Variants in MACROD2 observed in about 807,000 individuals in gnomAD.
The protein encoded by MACROD2 is ADP-ribose glycohydrolase MACROD2.
In MACROD2, 36 loss-of-function variants were observed where a neutral mutation model predicts 70.4. The observed-to-expected ratio is 0.51, with a 90% confidence interval of 0.39 to 0.68. The LOEUF is 0.68. Ranked by LOEUF, MACROD2 falls within the 30% of genes least tolerant of loss-of-function variation. The pLI, the probability that MACROD2 is intolerant of heterozygous loss-of-function variation, is 0.00. For synonymous variants in MACROD2, 172 were observed against 178.8 expected (o/e 0.96, Z 0.30); for missense variants, 496 against 538.4 (o/e 0.92, Z 0.78).
intron 6 of MACROD2, among the ~76,000 whole-genome samples, chr20:15,230,432 T>C (rs988229749): frequency 6.6e-6 from 1 of 152,158 alleles, no homozygotes; most frequent in Non-Finnish European, 1.5e-5. Flanking sequence ...TTAATATATA[T>C]TGGTTGTATG....
chr20:14,101,869 A>G (rs904493519), intron 3 of MACROD2, among the ~76,000 whole-genome samples: 4 of 151,388 alleles, frequency 2.6e-5, no homozygotes, highest in East Asian at 1.9e-4. Context: ...TAAAACATCA[A>G]TTTCTCTGCA....
At chr20:14,601,054 T>C (rs1479529620) in intron 4 of MACROD2, among the ~76,000 whole-genome samples, 1 of 152,122 alleles carries the variant, frequency 6.6e-6, no homozygotes, top group Non-Finnish European at 1.5e-5. Flanking sequence ...TTCTCATCTG[T>C]AAACACTGAG....
At chr20:14,084,127 GCTTTATAGA>G (rs1390572834) in intron 2 of MACROD2, among the ~76,000 whole-genome samples, 1 of 147,986 alleles carries the variant, frequency 6.8e-6, no homozygotes, top group Non-Finnish European at 1.5e-5. Flanking sequence ...AGAAGGGAAT[GCTTTATAGA>G]CAGAGAAAGG....
chr20:14,579,996 AC>A (rs1980901506), intron 4 of MACROD2, among the ~76,000 whole-genome samples: 1 of 152,220 alleles, frequency 6.6e-6, no homozygotes, highest in African/African-American at 2.4e-5. Context: ...ATGTAAAAAG[AC>A]GGAATGTTTC....
chr20:15,183,154 A>G (rs2076511789), intron 5 of MACROD2, among the ~76,000 whole-genome samples: 1 of 151,796 alleles, frequency 6.6e-6, no homozygotes, highest in Non-Finnish European at 1.5e-5. Context: ...GCTTGTGTTA[A>G]GTAAGAGGGA....
intron 6 of MACROD2, among the ~76,000 whole-genome samples, chr20:15,297,659 G>T (rs2077603336): frequency 6.6e-6 from 1 of 152,072 alleles, no homozygotes; most frequent in South Asian, 2.1e-4. Flanking sequence ...ATGCCCCATA[G>T]CTATGAAATG....
chr20:14,852,060 G>C (rs2073204917), intron 5 of MACROD2, among the ~76,000 whole-genome samples: 1 of 152,186 alleles, frequency 6.6e-6, no homozygotes, highest in Non-Finnish European at 1.5e-5. Context: ...GGACAGATGA[G>C]ACTTCCAAGG....
At chr20:14,818,714 G>A (rs895673278) in intron 5 of MACROD2, among the ~76,000 whole-genome samples, 1 of 150,552 alleles carries the variant, frequency 6.6e-6, no homozygotes, top group African/African-American at 2.4e-5. Context: ...TTAGGGATAT[G>A]TACTTATTAA....
At chr20:14,983,429 CTG>C (rs1363470891) in intron 5 of MACROD2, among the ~76,000 whole-genome samples, 1 of 152,088 alleles carries the variant, frequency 6.6e-6, no homozygotes, top group Non-Finnish European at 1.5e-5. Flanking sequence ...TGGTTTGTCT[CTG>C]TGTCCCCACC....
At chr20:14,667,799 A>G (rs915249152) in intron 4 of MACROD2, among the ~76,000 whole-genome samples, 36 of 152,130 alleles carry the variant, frequency 2.4e-4, no homozygotes, top group African/African-American at 7.2e-4. Context: ...CTTCTCTCCT[A>G]TAGCCACTGC....
chr20:14,639,328 A>C (rs184424247), intron 4 of MACROD2, among the ~76,000 whole-genome samples: 11 of 151,638 alleles, frequency 7.3e-5, no homozygotes, highest in African/African-American at 2.7e-4. Flanking sequence ...ACCTTCTTCA[A>C]CTCTCCCCAT....
At chr20:15,889,668 G>A (rs1162468509) in intron 10 of MACROD2, among the ~76,000 whole-genome samples, 3 of 152,122 alleles carry the variant, frequency 2.0e-5, no homozygotes, top group African/African-American at 7.2e-5. Context: ...ATTCCTTAAT[G>A]GCAAATGTTT....
intron 8 of MACROD2, among the ~76,000 whole-genome samples, chr20:15,607,127 G>A (rs1013273267): frequency 1.3e-5 from 2 of 152,078 alleles, no homozygotes; most frequent in African/African-American, 4.8e-5. Context: ...ATCAGCCTAG[G>A]CAACATAGCA....
chr20:14,430,562 A>G (rs2083983980), intron 3 of MACROD2, among the ~76,000 whole-genome samples: 1 of 152,038 alleles, frequency 6.6e-6, no homozygotes, highest in Non-Finnish European at 1.5e-5. Flanking sequence ...CAAAACAGAA[A>G]ACACAGAGGA....
At position 15,708,638 on chromosome 20, in the gene MACROD2, C is replaced by T. The variant is rs561775139; in HGVS notation, c.646-154107C>T. ...ACCTGTGATTTCAGCACTTTGGGAG[C>T]GAGGCAGTAGGATTGCTTAAGGCCA... On this transcript the variant is annotated intron_variant, in intron 8 of 17. Coordinates refer to ENST00000684519, the MANE Select transcript of MACROD2 (RefSeq NM_001351661.2). Among the ~76,000 whole-genome samples, 22 of 129,280 alleles carry T rather than the reference C, an allele frequency of 1.7e-4. 2 individuals carry two copies. The highest frequency in any genetic ancestry group is 2.8e-4 in the African/African-American group (11 of 39,768). The allele number at this position is 129,280 out of a possible 152,430, so 84.8% of individuals were successfully genotyped here.
At chr20:14,125,449 C>G (rs1027479557) in intron 3 of MACROD2, among the ~76,000 whole-genome samples, 1 of 152,048 alleles carries the variant, frequency 6.6e-6, no homozygotes, top group Admixed American at 6.6e-5. Flanking sequence ...GGGGTAAGAT[C>G]AGTTTTAAAA....
At chr20:14,644,273 A>G (rs1985253170) in intron 4 of MACROD2, among the ~76,000 whole-genome samples, 1 of 152,204 alleles carries the variant, frequency 6.6e-6, no homozygotes, top group African/African-American at 2.4e-5. Flanking sequence ...AACTGTTAGT[A>G]ACACTGAAAG....
intron 5 of MACROD2, among the ~76,000 whole-genome samples, chr20:14,691,574 C>T (rs1189459495): frequency 1.3e-5 from 2 of 152,158 alleles, no homozygotes; most frequent in African/African-American, 4.8e-5. Context: ...TTCCTTGTTT[C>T]CTCCAGTGGT....
At chr20:14,220,451 G>T (rs1011862100) in intron 3 of MACROD2, among the ~76,000 whole-genome samples, 1 of 152,204 alleles carries the variant, frequency 6.6e-6, no homozygotes, top group East Asian at 1.9e-4. Flanking sequence ...GCCCCAGGCT[G>T]TATGCCTCCT....
Sources: gnomAD v4.1 joint callset for allele counts (sites outside exome capture counted in the v4.1 genomes callset) on GRCh38, gnomAD v4.1.1 for gene constraint, MANE v1.5 for transcripts, NCBI Gene and HGNC (gene_info 2026-07-23, HGNC 2026-07-21) for gene names.